ACMSD: variants seen among roughly 807,000 people sequenced by gnomAD.
ACMSD encodes 2-amino-3-carboxymuconate-6-semialdehyde decarboxylase.
Under a neutral mutation model 45.9 loss-of-function variants are expected in ACMSD, and 37 were observed. That is an observed-to-expected ratio of 0.81 (90% CI 0.62 to 1.06). The LOEUF (loss-of-function observed/expected upper bound fraction) is 1.06, where lower values mean the gene tolerates loss of function less well. Among genes scored for constraint, ACMSD ranks in the 50% least tolerant of loss-of-function variants. The pLI, the probability that ACMSD is intolerant of heterozygous loss-of-function variation, is 0.00. For missense variants in ACMSD, 434 were observed against 420.9 expected, an observed-to-expected ratio of 1.03 and a Z score of -0.27; for synonymous variants, 138 against 148.8, an observed-to-expected ratio of 0.93 and a Z score of 0.53.
At chr2:134,864,129 G>A (rs1687981931) in intron 5 of ACMSD, among the ~76,000 whole-genome samples, 1 of 151,890 alleles carries the variant, frequency 6.6e-6, no homozygotes, top group African/African-American at 2.4e-5. Flanking sequence ...AAATTAGCCA[G>A]GCGTAGTGCC....
At chr2:134,887,667 G>A (rs566147580) in intron 8 of ACMSD, among the ~76,000 whole-genome samples, 124 of 152,348 alleles carry the variant, frequency 8.1e-4, no homozygotes, top group African/African-American at 2.9e-3. Context: ...GCCTCCCAAA[G>A]TGCTGGGATT....
chr2:134,844,917 C>T (rs985082401), intron 1 of ACMSD, among the ~76,000 whole-genome samples: 2 of 152,082 alleles, frequency 1.3e-5, no homozygotes, highest in Non-Finnish European at 2.9e-5. Context: ...CTCCTGGTAG[C>T]CTGTGAAATG....
At chr2:134,847,533 A>G (rs1348348907) in intron 2 of ACMSD, among the ~76,000 whole-genome samples, 1 of 152,172 alleles carries the variant, frequency 6.6e-6, no homozygotes, top group Non-Finnish European at 1.5e-5. Flanking sequence ...ATAGGTATAC[A>G]AGTGCCATGG....
chr2:134,885,745 C>T lies in ACMSD; in HGVS notation c.850-12596C>T, dbSNP rs114056296. Among the ~76,000 whole-genome samples, 367 of 152,142 alleles carry T rather than the reference C, an allele frequency of 2.4e-3. 1 individual carries two copies. The highest frequency in any genetic ancestry group is 8.3e-3 in the African/African-American group (346 of 41,484). Reference sequence around the variant, plus strand: ...ATAATATCCAGTTAAGGATGACAGCCTCTTTGCCTTATTGGTTAAAGGTCT... The same window carrying T: ...ATAATATCCAGTTAAGGATGACAGCTTCTTTGCCTTATTGGTTAAAGGTCT... On this transcript the variant is annotated intron_variant, in intron 8 of 9. Transcript: ENST00000356140.
intron 8 of ACMSD, among the ~76,000 whole-genome samples, chr2:134,881,143 G>A (rs1035862017): frequency 6.6e-6 from 1 of 152,214 alleles, no homozygotes; most frequent in Admixed American, 6.5e-5. Context: ...TGGGATTACA[G>A]GCATGAGCCA....
At chr2:134,883,888 G>T (rs188181646) in intron 8 of ACMSD, among the ~76,000 whole-genome samples, 49 of 152,214 alleles carry the variant, frequency 3.2e-4, no homozygotes, top group Non-Finnish European at 6.0e-4. Context: ...CATCCTACAG[G>T]ATCATATACT....
In ACMSD at chr2:134,873,931, G is replaced by T. The variant is rs890967244; in HGVS notation, c.849+1290G>T. 1.1e-4 allele frequency among the ~76,000 whole-genome samples: 17 copies of T among 152,300 alleles called. No homozygotes were observed. The South Asian group carries it at 3.5e-3, about 32-fold the overall frequency. On this transcript the variant is annotated intron_variant, in intron 8 of 9. Transcript: ENST00000356140. ...GGAAGAGGGAAAATCATGTGGAATT[G>T]GGGGAAGGGCTGTTCTTATTACATC...
chr2:134,882,772 G>C (rs1689110777), intron 8 of ACMSD, among the ~76,000 whole-genome samples: 1 of 152,154 alleles, frequency 6.6e-6, no homozygotes, highest in Non-Finnish European at 1.5e-5. Flanking sequence ...TCCTTTTCCA[G>C]AAGAAAAAAT....
chr2:134,845,509 GTCTCTCTC>G (rs59782657), intron 2 of ACMSD, among the ~76,000 whole-genome samples: 1,075 of 94,422 alleles, frequency 0.011, 11 homozygotes, highest in South Asian at 0.05. Context: ...ACATTAAAAG[GTCTCTCTC>G]TCTCTCTCTC....
Position 134,840,754 on chromosome 2 carries a change from T to C in ACMSD, c.57+2015T>C, listed in dbSNP as rs538590684. On this transcript the variant is annotated intron_variant, in intron 1 of 9. Coordinates refer to ENST00000356140, the MANE Select transcript of ACMSD (RefSeq NM_138326.3). ...TAAACCAGGTTTCTTCTTCTTTTTT[T>C]ATTTTTATGTATTTATTTTTATTTC... Among the ~76,000 whole-genome samples, 3 of 151,876 alleles carry C rather than the reference T, an allele frequency of 2.0e-5. No homozygotes were observed. In the South Asian group the frequency reaches 6.2e-4, roughly 31 times the overall value.
intron 8 of ACMSD, among the ~76,000 whole-genome samples, chr2:134,892,951 G>T (rs1689883109): frequency 6.6e-6 from 1 of 152,176 alleles, no homozygotes; most frequent in Non-Finnish European, 1.5e-5. Flanking sequence ...AGCTTAGGAT[G>T]AGACTGACTG....
At chr2:134,867,534 CTCA>C (rs1559051932) in intron 5 of ACMSD, 42 bp from the exon 6 acceptor site, 1 of 1,485,126 alleles carries the variant, frequency 6.7e-7, no homozygotes, top group Admixed American at 1.7e-5. Flanking sequence ...TATCTGCTCA[CTCA>C]TCAAAGTAAC....
intron 2 of ACMSD, among the ~76,000 whole-genome samples, chr2:134,855,063 C>G (rs2104837985): frequency 6.6e-6 from 1 of 152,078 alleles, no homozygotes; most frequent in Non-Finnish European, 1.5e-5. Context: ...CATCACCCCT[C>G]TCCTCTCCCT....
At chr2:134,850,229 A>C (rs553183073) in intron 2 of ACMSD, among the ~76,000 whole-genome samples, 4 of 151,702 alleles carry the variant, frequency 2.6e-5, no homozygotes, top group African/African-American at 9.7e-5. Flanking sequence ...GTACAAATAG[A>C]TATATATGGG....
intron 6 of ACMSD, among the ~76,000 whole-genome samples, chr2:134,868,118 A>C (rs548964247): frequency 1.3e-5 from 2 of 152,340 alleles, no homozygotes; most frequent in African/African-American, 4.8e-5. Context: ...TGATAATAGC[A>C]TCAGCTCATA....
Position 134,838,806 on chromosome 2 carries a change from C to T in ACMSD, c.57+67C>T. 5 of 1,279,740 alleles carry T rather than the reference C, an allele frequency of 3.9e-6. No homozygotes were observed. The South Asian group carries it at 6.3e-5, about 16-fold the overall frequency. The allele number at this position is 1,279,740 out of a possible 1,614,324, so 79.3% of individuals were successfully genotyped here. A position where few individuals can be genotyped will look rare whatever the true frequency, so the allele number is the denominator to read the frequency against. On this transcript the variant is annotated intron_variant, in intron 1 of 9. Coordinates refer to ENST00000356140, the MANE Select transcript of ACMSD (RefSeq NM_138326.3). ...CAGGGTTTCTCAATGCCTTTCTCTT[C>T]TTTGTGGAATTAGATGTCTAGTTTA...
chr2:134,854,280 T>G (rs1379053347), intron 2 of ACMSD, among the ~76,000 whole-genome samples: 1 of 152,224 alleles, frequency 6.6e-6, no homozygotes, highest in Non-Finnish European at 1.5e-5. Context: ...TCTTTATCAC[T>G]CAGTGTTCTT....
At chr2:134,894,782 G>A (rs569458936) in intron 8 of ACMSD, among the ~76,000 whole-genome samples, 2 of 152,148 alleles carry the variant, frequency 1.3e-5, no homozygotes, top group East Asian at 1.9e-4. Flanking sequence ...TAGATTGGAA[G>A]AGAAGGAAAA....
Position 134,857,520 on chromosome 2 carries a change from T to TA in ACMSD, c.103-1740dup, listed in dbSNP as rs140158036. Reference sequence around the variant, plus strand: ...AACATACAGAAATGCTATGGGCTTTTATATATCAATTTTGTATTCTGCAAC... The same window carrying TA: ...AACATACAGAAATGCTATGGGCTTTTAATATATCAATTTTGTATTCTGCAAC... On this transcript the variant is annotated intron_variant, in intron 2 of 9. Coordinates refer to ENST00000356140, the MANE Select transcript of ACMSD (RefSeq NM_138326.3). 4.8e-3 allele frequency among the ~76,000 whole-genome samples: 729 copies of TA among 152,306 alleles called. 5 individuals carry two copies. Among genetic ancestry groups the TA allele is most frequent in the African/African-American group, 0.017 (698 of 41,560 alleles).
Sources: allele counts gnomAD v4.1 joint callset (sites outside exome capture counted in the v4.1 genomes callset), GRCh38; gene constraint gnomAD v4.1.1; transcripts MANE v1.5; gene names NCBI Gene and HGNC (gene_info 2026-07-23, HGNC 2026-07-21).